Variants in ZBBX observed in about 807,000 individuals in gnomAD.
ZBBX encodes the protein zinc finger B-box domain containing.
A neutral mutation model predicts 108.5 loss-of-function variants in ZBBX; 101 were observed. The ratio of observed to expected loss-of-function variants is 0.93; its 90% CI spans 0.79 to 1.10. The LOEUF is 1.10. ZBBX is among the 50% of genes least tolerant of loss of function. The probability of loss-of-function intolerance (pLI) is 0.00; values close to 1 mark genes in which losing one functional copy is unlikely to be tolerated. For synonymous variants in ZBBX, 356 were observed against 323.4 expected (o/e 1.10, Z -1.08); for missense variants, 1,009 against 941.4 (o/e 1.07, Z -0.94).
the ZBBX span, among the ~76,000 whole-genome samples, chr3:167,191,918 T>TAGAG: frequency 5.3e-5 from 6 of 112,546 alleles, no homozygotes; most frequent in African/African-American, 2.1e-4. Flanking sequence ...TATATATATA[T>TAGAG]ATATATATAT....
At chr3:167,185,581 A>G in the ZBBX span, among the ~76,000 whole-genome samples, 2,028 of 152,280 alleles carry the variant, frequency 0.013, 22 homozygotes, top group South Asian at 0.026. Context: ...CTGAATACTT[A>G]AGTCCTATTA....
chr3:167,323,609 A>C (rs1736855649), intron 11 of ZBBX, among the ~76,000 whole-genome samples: 1 of 152,104 alleles, frequency 6.6e-6, no homozygotes, highest in Non-Finnish European at 1.5e-5. Flanking sequence ...ATGCCAAATA[A>C]GGTATGTAAC....
At chr3:167,258,334 A>C (rs1053787175) in intron 20 of ZBBX, among the ~76,000 whole-genome samples, 9 of 152,142 alleles carry the variant, frequency 5.9e-5, no homozygotes, top group Non-Finnish European at 1.0e-4. Context: ...CCCATCCTAG[A>C]TTTAAGTTCT....
chr3:167,195,071 C>T, the ZBBX span, among the ~76,000 whole-genome samples: 1 of 152,180 alleles, frequency 6.6e-6, no homozygotes, highest in African/African-American at 2.4e-5. Context: ...CATCATATCT[C>T]TCTTAGCAAC....
the ZBBX span, among the ~76,000 whole-genome samples, chr3:167,193,225 C>T: frequency 6.6e-6 from 1 of 152,098 alleles, no homozygotes; most frequent in Non-Finnish European, 1.5e-5. Flanking sequence ...CCCAGATTTG[C>T]CTCAGTTCTA....
At chr3:167,369,341 C>T (rs1043280916) in intron 4 of ZBBX, among the ~76,000 whole-genome samples, 2 of 152,190 alleles carry the variant, frequency 1.3e-5, no homozygotes, top group Non-Finnish European at 2.9e-5. Flanking sequence ...TGGGCACCCA[C>T]GCATGCTATG....
chr3:167,245,425 A>G (rs1721405070), intron 20 of ZBBX, among the ~76,000 whole-genome samples: 2 of 151,616 alleles, frequency 1.3e-5, no homozygotes, highest in African/African-American at 4.8e-5. Context: ...CCTCTGCACT[A>G]TGTCTTGTTT....
chr3:167,406,073 A>T (rs1204327566), intron 1 of ZBBX, among the ~76,000 whole-genome samples: 1 of 152,190 alleles, frequency 6.6e-6, no homozygotes, highest in South Asian at 2.1e-4. Context: ...TAAAAAAAAA[A>T]TTAATAAATT....
chr3:167,263,008 G>A (rs1399035804), intron 20 of ZBBX, among the ~76,000 whole-genome samples: 1 of 147,270 alleles, frequency 6.8e-6, no homozygotes, highest in African/African-American at 2.5e-5. Flanking sequence ...CTAATTTGAG[G>A]TTTGGTTTGT....
At chr3:167,271,201 T>C (rs1288292081) in intron 20 of ZBBX, among the ~76,000 whole-genome samples, 1 of 132,374 alleles carries the variant, frequency 7.6e-6, no homozygotes, top group East Asian at 2.0e-4. Context: ...AAATTTGGAC[T>C]AAACAAGGTC....
chr3:167,215,460 T>C, the ZBBX span, among the ~76,000 whole-genome samples: 87 of 152,098 alleles, frequency 5.7e-4, no homozygotes, highest in African/African-American at 2.0e-3. Context: ...ACATCAATAA[T>C]GAGCTCCAAA....
chr3:167,202,522 A>C, the ZBBX span, among the ~76,000 whole-genome samples: 2 of 152,172 alleles, frequency 1.3e-5, no homozygotes, highest in Admixed American at 1.3e-4. Flanking sequence ...ACAATATCTG[A>C]AACTAGTAAG....
At chr3:167,236,111 G>C (rs1326200666), downstream of ZBBX, among the ~76,000 whole-genome samples, 1 of 151,676 alleles carries the variant, frequency 6.6e-6, no homozygotes, top group Non-Finnish European at 1.5e-5. Context: ...TAAAATTCTG[G>C]TAAAATTTTA....
intron 1 of ZBBX, among the ~76,000 whole-genome samples, chr3:167,387,897 A>G (rs1374303583): frequency 6.6e-6 from 1 of 152,026 alleles, no homozygotes; most frequent in Admixed American, 6.6e-5. Context: ...AATGATTCAA[A>G]CTACGCTGAA....
At chr3:167,374,055 T>C (rs1185122675) in intron 2 of ZBBX, among the ~76,000 whole-genome samples, 1 of 152,136 alleles carries the variant, frequency 6.6e-6, no homozygotes, top group Admixed American at 6.5e-5. Context: ...ACCAAGTATT[T>C]GTTCTATCTA....
At chr3:167,308,914 A>G (rs1319826776) in intron 16 of ZBBX, among the ~76,000 whole-genome samples, 1 of 152,142 alleles carries the variant, frequency 6.6e-6, no homozygotes, top group East Asian at 1.9e-4. Flanking sequence ...AAGTTTACCT[A>G]TGTAACAAAA....
intron 9 of ZBBX, among the ~76,000 whole-genome samples, chr3:167,335,000 T>G (rs1739317796): frequency 6.6e-6 from 1 of 152,094 alleles, no homozygotes; most frequent in Non-Finnish European, 1.5e-5. Context: ...AGGCTTTTGC[T>G]TCTCCTCTGC....
chr3:167,261,226 G>C (rs1724452891), intron 20 of ZBBX, among the ~76,000 whole-genome samples: 1 of 152,152 alleles, frequency 6.6e-6, no homozygotes, highest in Non-Finnish European at 1.5e-5. Context: ...CTGTTCCAGT[G>C]GAGGTGGCGG....
At chr3:167,312,192 G>A (rs565764522) in intron 16 of ZBBX, among the ~76,000 whole-genome samples, 1 of 152,216 alleles carries the variant, frequency 6.6e-6, no homozygotes, top group East Asian at 1.9e-4. Flanking sequence ...TAAAGGCTAT[G>A]TACTGTATGA....
Sources: gnomAD v4.1 joint callset for allele counts (sites outside exome capture counted in the v4.1 genomes callset) on GRCh38, gnomAD v4.1.1 for gene constraint, MANE v1.5 for transcripts, NCBI Gene and HGNC (gene_info 2026-07-23, HGNC 2026-07-21) for gene names.